The following PIN4 variants were observed in gnomAD, a reference collection of about 807,000 sequenced individuals.
PIN4 encodes the protein peptidyl-prolyl cis-trans isomerase NIMA-interacting 4.
PIN4 carries 3 observed loss-of-function variants against 8.3 expected under a neutral mutation model. The ratio of observed to expected loss-of-function variants is 0.36; its 90% confidence interval spans 0.16 to 0.93. The LOEUF (loss-of-function observed/expected upper bound fraction) is 0.93, where lower values mean the gene tolerates loss of function less well. PIN4 is among the 40% of genes least tolerant of loss of function. The probability of loss-of-function intolerance (pLI) is 0.44; values close to 1 mark genes in which losing one functional copy is unlikely to be tolerated. For missense variants in PIN4, 75 were observed against 100.6 expected (o/e 0.75, Z 1.09); for synonymous variants, 18 against 32.5 (o/e 0.55, Z 1.52).
intron 3 of PIN4, among the ~76,000 whole-genome samples, chrX:72,240,088 CA>C (rs750258594): frequency 2.7e-3 from 128 of 48,150 alleles, no homozygotes; most frequent in South Asian, 4.9e-3. Flanking sequence ...GACTCCATCT[CA>C]AAAAAAAAAA....
At chrX:72,221,962 T>C (rs1467873596) in intron 3 of PIN4, among the ~76,000 whole-genome samples, 1 of 109,790 alleles carries the variant, frequency 9.1e-6, no homozygotes, top group Non-Finnish European at 1.9e-5. Flanking sequence ...ACCCTGCAGA[T>C]GAACCCCCTT....
intron 3 of PIN4, among the ~76,000 whole-genome samples, chrX:72,251,433 G>A (rs1885483): frequency 8.1e-4 from 89 of 109,453 alleles, no homozygotes; most frequent in African/African-American, 3.0e-3. Flanking sequence ...GGGTCAAAGT[G>A]TATATGTCTT....
chrX:72,207,238 A>C, intron 3 of PIN4: 2 of 1,211,909 alleles, frequency 1.7e-6, no homozygotes, highest in Non-Finnish European at 2.2e-6. Flanking sequence ...AAGATGAGTA[A>C]CTGTCCCATC....
chrX:72,212,275 A>G (rs192928132), intron 3 of PIN4, among the ~76,000 whole-genome samples: 2 of 109,556 alleles, frequency 1.8e-5, no homozygotes, highest in African/African-American at 6.7e-5. Flanking sequence ...ATCTCAAAAA[A>G]AATAATAATA....
intron 3 of PIN4, among the ~76,000 whole-genome samples, chrX:72,249,854 T>C: frequency 9.0e-6 from 1 of 111,499 alleles, no homozygotes; most frequent in Non-Finnish European, 1.9e-5. Flanking sequence ...CACAATTCAC[T>C]GAACTATACA....
intron 3 of PIN4, among the ~76,000 whole-genome samples, chrX:72,221,460 T>C (rs1044044773): frequency 9.0e-6 from 1 of 110,950 alleles, no homozygotes; most frequent in African/African-American, 3.3e-5. Context: ...CATCTGGGGA[T>C]GCCTAGAACA....
intron 1 of PIN4, 155 bp downstream of exon 1, chrX:72,181,983 A>G: frequency 2.0e-6 from 1 of 488,237 alleles, no homozygotes; most frequent in South Asian, 2.9e-5. Context: ...ACATTGGGCT[A>G]CGGTTCAGGG....
chrX:72,200,995 T>C (rs186648560), downstream of PIN4, among the ~76,000 whole-genome samples: 42 of 111,764 alleles, frequency 3.8e-4, no homozygotes, highest in African/African-American at 1.2e-3. Context: ...AGGCCAGGAA[T>C]TCAAGACCAG....
At chrX:72,202,566 A>G (rs778542299), downstream of PIN4, among the ~76,000 whole-genome samples, 9 of 111,485 alleles carry the variant, frequency 8.1e-5, no homozygotes, top group South Asian at 2.6e-3. Flanking sequence ...GGGCGCAGCT[A>G]CTCCCTTCAC....
chrX:72,198,158 C>T lies in PIN4; in HGVS notation c.*632C>T, dbSNP rs1199899582. 41 of 740,583 alleles carry T rather than the reference C, an allele frequency of 5.5e-5. No individual in the cohort carries two copies. Among genetic ancestry groups the T allele is most frequent in the Non-Finnish European group, 5.9e-5 (37 of 627,819 alleles). 61.0% of individuals were successfully genotyped at this position (740,583 alleles called of 1,213,427 possible). On this transcript the variant is annotated 3_prime_UTR_variant, in exon 4 of 4. Transcript: ENST00000373669. ...TGCTGGTTAAAGGGAGGGATGTCAG[C>T]ATAAAAATGTCATTCCCTCATCTTC...
rs181128762 is a variant in PIN4, at chrX:72,240,079, A to G, written c.313-22628A>G. The stretch of plus-strand genomic sequence containing the variant: ...ACTCCAGCCTGGGTGACAGAGAAAG[A>G]CTCCATCTCAAAAAAAAAAAAAAAA... On this transcript the variant is annotated intron_variant, in intron 3 of 3. Coordinates refer to the PIN4 transcript ENST00000423432. 7.3e-3 allele frequency among the ~76,000 whole-genome samples: 764 copies of G among 104,600 alleles called. 8 individuals are homozygous for G. Among genetic ancestry groups the G allele is most frequent in the African/African-American group, 0.026 (726 of 28,199 alleles). The allele number at this position is 104,600 out of a possible 115,157, so 90.8% of individuals were successfully genotyped here.
At chrX:72,184,656 G>A (rs2042690090) in intron 1 of PIN4, among the ~76,000 whole-genome samples, 1 of 111,755 alleles carries the variant, frequency 8.9e-6, no homozygotes, top group Non-Finnish European at 1.9e-5. Flanking sequence ...TTCAAGAATG[G>A]ATCTATAGCA....
chrX:72,220,869 T>C lies in PIN4; in HGVS notation c.312+23965T>C, dbSNP rs144140267. Among the ~76,000 whole-genome samples the C allele has an allele frequency of 5.5e-3, 621 of 112,055 alleles. 4 individuals are homozygous for C. The highest frequency in any genetic ancestry group is 0.02 in the African/African-American group (602 of 30,857). ...CAAGCATTTGTGTTTCTTTTCTCTT[T>C]CTTTAACTCTTATATTTGGTGCCGA... is the stretch of plus-strand genomic sequence containing the variant. On this transcript the variant is annotated intron_variant, in intron 3 of 3. Transcript: ENST00000423432.
chrX:72,206,328 A>G (rs768941124), intron 3 of PIN4: 9 of 1,208,090 alleles, frequency 7.4e-6, no homozygotes, highest in Non-Finnish European at 1.0e-5. Flanking sequence ...CCTTTGGTAA[A>G]GTAGCTATAG....
chrX:72,250,818 C>A (rs1432160842), intron 3 of PIN4, among the ~76,000 whole-genome samples: 2 of 101,277 alleles, frequency 2.0e-5, no homozygotes, highest in South Asian at 4.9e-4. Flanking sequence ...CGGCTCACTG[C>A]AACCTCCACC....
At chrX:72,244,432 G>A (rs2043060192) in intron 3 of PIN4, among the ~76,000 whole-genome samples, 1 of 111,927 alleles carries the variant, frequency 8.9e-6, no homozygotes, top group Non-Finnish European at 1.9e-5. Flanking sequence ...CATGATCAAA[G>A]GCCCTGAGGC....
intron 3 of PIN4, among the ~76,000 whole-genome samples, chrX:72,229,333 C>A (rs965809299): frequency 2.7e-5 from 3 of 111,915 alleles, no homozygotes; most frequent in Non-Finnish European, 3.8e-5. Flanking sequence ...CGTTTGACAG[C>A]CTCTCTCTCA....
chrX:72,210,116 G>A (rs963726259), intron 3 of PIN4, among the ~76,000 whole-genome samples: 2 of 108,662 alleles, frequency 1.8e-5, no homozygotes, highest in Non-Finnish European at 3.8e-5. Flanking sequence ...TGTGATCCCA[G>A]CACTTTTGGG....
intron 3 of PIN4, among the ~76,000 whole-genome samples, chrX:72,222,598 T>TC (rs1340417228): frequency 1.0e-5 from 1 of 99,689 alleles, no homozygotes; most frequent in Non-Finnish European, 2.0e-5. Flanking sequence ...ATCCAGCCTT[T>TC]TTTTTTTTTT....
Sources: gnomAD v4.1 joint callset for allele counts (sites outside exome capture counted in the v4.1 genomes callset) on GRCh38, gnomAD v4.1.1 for gene constraint, MANE v1.5 for transcripts, NCBI Gene and HGNC (gene_info 2026-07-23, HGNC 2026-07-21) for gene names.